NTM: variants seen among roughly 807,000 people sequenced by gnomAD.
NTM encodes the protein IgLON family member 2.
NTM carries 13 observed loss-of-function variants against 42.1 expected under a neutral mutation model. The observed-to-expected ratio is 0.31, with a 90% CI of 0.20 to 0.49. The LOEUF is 0.49. Ranked by LOEUF, NTM falls within the 20% of genes least tolerant of loss-of-function variation. The pLI, the probability that NTM is intolerant of heterozygous loss-of-function variation, is 0.99. For missense variants in NTM, 373 were observed against 452.8 expected (o/e 0.82, Z 1.60); for synonymous variants, 187 against 179.2 (o/e 1.04, Z -0.35).
chr11:131,881,328 G>A (rs1187374987), intron 1 of NTM, among the ~76,000 whole-genome samples: 1 of 152,156 alleles, frequency 6.6e-6, no homozygotes, highest in Non-Finnish European at 1.5e-5. Flanking sequence ...CACTTCAGTA[G>A]TGAAAGGTAC....
intron 7 of NTM, among the ~76,000 whole-genome samples, chr11:132,326,120 A>T (rs954849640): frequency 6.6e-6 from 1 of 152,170 alleles, no homozygotes; most frequent in Non-Finnish European, 1.5e-5. Flanking sequence ...ATACATATGT[A>T]ACAAACCTGC....
In NTM at chr11:132,283,038, G is replaced by A. The variant is rs2094059912; in HGVS notation, c.527-24651G>A. On this transcript the variant is annotated intron_variant, in intron 4 of 8. Coordinates refer to ENST00000683400, the MANE Select transcript of NTM (RefSeq NM_001352005.2). ...AGTCTCGCTCTGTCTCCATGCCAAA[G>A]TGCAGTGGCATGATTTTGGCTCACT... 2.3e-5 allele frequency among the ~76,000 whole-genome samples: 3 copies of A among 130,460 alleles called. No homozygotes were observed. In the Admixed American group the frequency reaches 2.7e-4, roughly 12 times the overall value. The allele number at this position is 130,460 out of a possible 152,430, so 85.6% of individuals were successfully genotyped here.
At chr11:131,526,700 G>C (rs1184448812) in intron 1 of NTM, among the ~76,000 whole-genome samples, 1 of 152,112 alleles carries the variant, frequency 6.6e-6, no homozygotes, top group Non-Finnish European at 1.5e-5. Context: ...GTATATTGGG[G>C]GCAGGTTGGG....
chr11:131,555,927 A>G (rs1469259774), intron 1 of NTM, among the ~76,000 whole-genome samples: 2 of 152,154 alleles, frequency 1.3e-5, no homozygotes, highest in East Asian at 3.9e-4. Context: ...GTGGCAAACA[A>G]GGAAATGTTC....
intron 1 of NTM, among the ~76,000 whole-genome samples, chr11:131,833,674 C>T (rs2043107667): frequency 6.6e-6 from 1 of 152,144 alleles, no homozygotes. Flanking sequence ...TTGGTTGGTT[C>T]TCTCCTTAAC....
intron 1 of NTM, among the ~76,000 whole-genome samples, chr11:131,438,979 T>A (rs1949375751): frequency 6.6e-6 from 1 of 152,208 alleles, no homozygotes; most frequent in South Asian, 2.1e-4. Context: ...GGTATGGATG[T>A]CCTTTTTGTT....
chr11:131,496,783 C>T (rs994575917), intron 1 of NTM, among the ~76,000 whole-genome samples: 2 of 152,204 alleles, frequency 1.3e-5, no homozygotes, highest in South Asian at 4.1e-4. Flanking sequence ...AGCACCTCCT[C>T]CCCCTATCTC....
chr11:132,315,708 G>T (rs927461116), intron 7 of NTM, among the ~76,000 whole-genome samples: 1 of 152,052 alleles, frequency 6.6e-6, no homozygotes, highest in Admixed American at 6.5e-5. Flanking sequence ...TCTGAATCAC[G>T]AGCCTGCACT....
chr11:132,141,093 C>T (rs1487955660), intron 2 of NTM: 1 of 152,134 alleles, frequency 6.6e-6, no homozygotes, highest in Non-Finnish European at 1.5e-5. Flanking sequence ...AAGGCCAAGC[C>T]TGGATGTTTC....
At chr11:132,202,247 G>T (rs1432160048) in intron 3 of NTM, among the ~76,000 whole-genome samples, 1 of 152,112 alleles carries the variant, frequency 6.6e-6, no homozygotes, top group Non-Finnish European at 1.5e-5. Flanking sequence ...TACACGGTGG[G>T]GAATCATGCC....
At chr11:132,068,034 A>G (rs2056785418) in intron 2 of NTM, among the ~76,000 whole-genome samples, 1 of 152,150 alleles carries the variant, frequency 6.6e-6, no homozygotes, top group South Asian at 2.1e-4. Flanking sequence ...AATTTCTTAG[A>G]TAATCTCATC....
intron 4 of NTM, among the ~76,000 whole-genome samples, chr11:132,297,798 C>G (rs898409001): frequency 6.6e-6 from 1 of 152,162 alleles, no homozygotes; most frequent in Non-Finnish European, 1.5e-5. Context: ...GGGTACCAAG[C>G]CGTGTGTGTC....
intron 1 of NTM, among the ~76,000 whole-genome samples, chr11:131,628,891 G>A (rs76852591): frequency 0.012 from 1,802 of 152,388 alleles, 14 homozygotes; most frequent in African/African-American, 0.017. Context: ...ATGAGCCCAA[G>A]AGCCAGGGCT....
chr11:132,282,403 T>C lies in NTM; in HGVS notation c.527-25286T>C, dbSNP rs79388641. 1.1e-3 allele frequency among the ~76,000 whole-genome samples: 171 copies of C among 152,328 alleles called. 1 individual carries two copies. In the East Asian group the frequency reaches 0.03, roughly 26 times the overall value. ...GAAATAGCTATAAATTGTTCTGGTTTCCAAGTTTACACAAAGACACATTTT... is the reference window on the plus strand; with the variant it reads ...GAAATAGCTATAAATTGTTCTGGTTCCCAAGTTTACACAAAGACACATTTT... On this transcript the variant is annotated intron_variant, in intron 4 of 8. Coordinates refer to ENST00000683400, the MANE Select transcript of NTM (RefSeq NM_001352005.2).
intron 1 of NTM, among the ~76,000 whole-genome samples, chr11:131,544,105 C>T (rs2053623919): frequency 6.6e-6 from 1 of 152,078 alleles, no homozygotes; most frequent in Admixed American, 6.5e-5. Flanking sequence ...GCAGGTCAGT[C>T]CCATGGAATG....
chr11:132,279,098 A>T (rs1032103247), intron 4 of NTM, among the ~76,000 whole-genome samples: 3 of 152,178 alleles, frequency 2.0e-5, no homozygotes, highest in African/African-American at 7.2e-5. Context: ...TATCACAGAG[A>T]ATACCACAGC....
chr11:132,211,271 C>T (rs564220058), intron 3 of NTM, among the ~76,000 whole-genome samples: 4 of 152,234 alleles, frequency 2.6e-5, no homozygotes, highest in South Asian at 4.1e-4. Flanking sequence ...CAAGGAATGG[C>T]GGCACATGCC....
At chr11:132,267,898 A>G (rs550136034) in intron 4 of NTM, among the ~76,000 whole-genome samples, 9 of 152,160 alleles carry the variant, frequency 5.9e-5, no homozygotes, top group African/African-American at 1.9e-4. Context: ...TATCATATCC[A>G]TGAAACTTTC....
chr11:132,161,475 C>T (rs928424959), intron 3 of NTM, among the ~76,000 whole-genome samples: 1 of 145,504 alleles, frequency 6.9e-6, no homozygotes, highest in Non-Finnish European at 1.5e-5. Context: ...TCATGGTGTC[C>T]TATTTCACTC....
Sources: allele counts gnomAD v4.1 joint callset (sites outside exome capture counted in the v4.1 genomes callset), GRCh38; gene constraint gnomAD v4.1.1; transcripts MANE v1.5; gene names NCBI Gene and HGNC (gene_info 2026-07-23, HGNC 2026-07-21).